Variants in BAZ2B observed in about 807,000 individuals in gnomAD.
BAZ2B encodes the protein bromodomain adjacent to zinc finger domain protein 2B.
A neutral mutation model predicts 246.0 loss-of-function variants in BAZ2B; 91 were observed. That is an observed-to-expected ratio of 0.37 (90% CI 0.31 to 0.44). BAZ2B has a LOEUF of 0.44. BAZ2B is among the 20% of genes least tolerant of loss of function. The probability of loss-of-function intolerance (pLI) is 1.00; values close to 1 mark genes in which losing one functional copy is unlikely to be tolerated. For missense variants in BAZ2B, 2,332 were observed against 2,533.7 expected (o/e 0.92, Z 1.71); for synonymous variants, 855 against 860.0 (o/e 0.99, Z 0.10).
At chr2:159,615,681 G>A (rs780093344) in intron 1 of BAZ2B, 3 of 152,368 alleles carry the variant, frequency 2.0e-5, no homozygotes, top group African/African-American at 4.8e-5. Flanking sequence ...GGCAGGGAGT[G>A]GGGGAGCAGC....
At chr2:159,473,936 T>C (rs1037673501) in intron 3 of BAZ2B, among the ~76,000 whole-genome samples, 1 of 152,238 alleles carries the variant, frequency 6.6e-6, no homozygotes, top group South Asian at 2.1e-4. Context: ...CTGTTTGTTA[T>C]GATTTCTGTT....
the BAZ2B span, among the ~76,000 whole-genome samples, chr2:159,686,802 G>T: frequency 2.0e-5 from 3 of 152,074 alleles, no homozygotes; most frequent in South Asian, 6.2e-4. Flanking sequence ...CAGCACTTTG[G>T]GAGGCCAAGG....
chr2:159,630,964 TAGG>T, the BAZ2B span, among the ~76,000 whole-genome samples: 3 of 152,114 alleles, frequency 2.0e-5, no homozygotes, highest in African/African-American at 7.2e-5. Context: ...GAGGCCCAAG[TAGG>T]AGGATTGCTT....
intron 33 of BAZ2B, among the ~76,000 whole-genome samples, chr2:159,334,101 A>C (rs557536862): frequency 6.6e-6 from 1 of 152,272 alleles, no homozygotes; most frequent in East Asian, 1.9e-4. Context: ...CAATTTAAAA[A>C]TCAGATTCAT....
intron 1 of BAZ2B, among the ~76,000 whole-genome samples, chr2:159,574,781 C>T (rs953944068): frequency 3.3e-5 from 5 of 151,938 alleles, no homozygotes; most frequent in African/African-American, 7.2e-5. Flanking sequence ...GTCAAAAATT[C>T]GAGATCAGCC....
At chr2:159,365,935 G>T (rs1441116505) in intron 27 of BAZ2B, among the ~76,000 whole-genome samples, 2 of 152,180 alleles carry the variant, frequency 1.3e-5, no homozygotes, top group African/African-American at 4.8e-5. Flanking sequence ...ATCCTCTGCA[G>T]CGATCCCACA....
chr2:159,388,941 A>G (rs1279479653), intron 21 of BAZ2B, among the ~76,000 whole-genome samples: 1 of 152,092 alleles, frequency 6.6e-6, no homozygotes, highest in Admixed American at 6.6e-5. Flanking sequence ...CTAGCCAGGC[A>G]TGGTGGCAAG....
At chr2:159,591,473 T>G (rs1024480418) in intron 1 of BAZ2B, among the ~76,000 whole-genome samples, 2 of 152,326 alleles carry the variant, frequency 1.3e-5, no homozygotes, top group East Asian at 3.9e-4. Context: ...AGGAACACTT[T>G]AAGATAACAG....
chr2:159,501,844 A>T (rs1336750654), intron 2 of BAZ2B, among the ~76,000 whole-genome samples: 7 of 152,230 alleles, frequency 4.6e-5, no homozygotes, highest in African/African-American at 2.4e-5. Flanking sequence ...AACCTAAAGA[A>T]ATGAAAATAT....
At chr2:159,570,309 C>T (rs556686917) in intron 1 of BAZ2B, among the ~76,000 whole-genome samples, 80 of 152,004 alleles carry the variant, frequency 5.3e-4, no homozygotes, top group Admixed American at 2.3e-3. Context: ...CTCAGCCTCC[C>T]GAGCAGTTGG....
chr2:159,643,069 AT>A, the BAZ2B span, among the ~76,000 whole-genome samples: 1 of 152,120 alleles, frequency 6.6e-6, no homozygotes, highest in Admixed American at 6.6e-5. Context: ...ATAATCAGCC[AT>A]TTTTTCTATA....
chr2:159,420,542 T>C (rs2068564976), intron 13 of BAZ2B, among the ~76,000 whole-genome samples: 2 of 152,324 alleles, frequency 1.3e-5, no homozygotes, highest in East Asian at 3.9e-4. Flanking sequence ...ACCTCCTGGT[T>C]GAAAGAAATA....
chr2:159,540,714 C>G lies in BAZ2B; in HGVS notation c.-3+15109G>C, dbSNP rs550217922. Among the ~76,000 whole-genome samples the G allele has an allele frequency of 2.0e-5, 3 of 152,252 alleles. No individual in the cohort carries two copies. The South Asian group carries it at 6.2e-4, about 32-fold the overall frequency. ...TAGTTATGTCAACTAGGAGCAGTTACTTAATTTCACTAAGTCTAAGACAAA... is the reference window on the plus strand; with the variant it reads ...TAGTTATGTCAACTAGGAGCAGTTAGTTAATTTCACTAAGTCTAAGACAAA... On this transcript the variant is annotated intron_variant, in intron 2 of 36. Transcript: ENST00000392783.
intron 1 of BAZ2B, among the ~76,000 whole-genome samples, chr2:159,590,451 CG>C (rs1689129164): frequency 6.6e-6 from 1 of 151,488 alleles, no homozygotes; most frequent in Non-Finnish European, 1.5e-5. Context: ...ATTAGCCAGG[CG>C]TGATAGTGGG....
intron 27 of BAZ2B, among the ~76,000 whole-genome samples, chr2:159,370,562 C>T (rs1034814273): frequency 7.3e-5 from 11 of 150,984 alleles, no homozygotes; most frequent in Admixed American, 2.6e-4. Flanking sequence ...TTAGTAGAGA[C>T]GGGGTTTCAC....
chr2:159,398,366 G>T (rs1008785645), intron 18 of BAZ2B: 3 of 152,176 alleles, frequency 2.0e-5, no homozygotes, highest in Non-Finnish European at 4.4e-5. Context: ...TGTTTCTGTA[G>T]GCTTTTCATT....
At chr2:159,699,696 C>G in the BAZ2B span, among the ~76,000 whole-genome samples, 1 of 152,186 alleles carries the variant, frequency 6.6e-6, no homozygotes, top group Non-Finnish European at 1.5e-5. Flanking sequence ...TTACTTCTTT[C>G]TACCCATCTG....
intron 8 of BAZ2B, among the ~76,000 whole-genome samples, chr2:159,435,780 G>A (rs774713519): frequency 2.6e-5 from 4 of 152,158 alleles, no homozygotes; most frequent in East Asian, 3.8e-4. Flanking sequence ...GAGAGCCACC[G>A]CACTCAGCCT....
chr2:159,615,192 G>C (rs1245870543), intron 1 of BAZ2B: 2 of 147,130 alleles, frequency 1.4e-5, no homozygotes, highest in Non-Finnish European at 1.5e-5. Flanking sequence ...AGCCAGCTCT[G>C]ACTCTTCAAA....
Sources: allele counts gnomAD v4.1 joint callset (sites outside exome capture counted in the v4.1 genomes callset), GRCh38; gene constraint gnomAD v4.1.1; transcripts MANE v1.5; gene names NCBI Gene and HGNC (gene_info 2026-07-23, HGNC 2026-07-21).